Variants in CEP44 observed in about 807,000 individuals in gnomAD.
The protein encoded by CEP44 is centrosomal protein of 44 kDa.
In CEP44, 45 loss-of-function variants were observed where a neutral mutation model predicts 46.7. That is an observed-to-expected ratio of 0.96 (90% CI 0.76 to 1.24). The LOEUF (loss-of-function observed/expected upper bound fraction) is 1.24, where lower values mean the gene tolerates loss of function less well. Ranked by LOEUF, CEP44 falls within the 50% of genes most tolerant of loss-of-function variation. The pLI is 0.00. For missense variants in CEP44, 475 were observed against 459.7 expected (o/e 1.03, Z -0.30); for synonymous variants, 142 against 146.0 (o/e 0.97, Z 0.20).
chr4:174,306,555 C>T (rs1180388297), intron 6 of CEP44, among the ~76,000 whole-genome samples: 1 of 152,006 alleles, frequency 6.6e-6, no homozygotes, highest in Non-Finnish European at 1.5e-5. Context: ...TTTTAAAAGT[C>T]ATAACCCCAA....
At chr4:174,293,138 G>A (rs758090019) in intron 1 of CEP44, among the ~76,000 whole-genome samples, 95 of 152,150 alleles carry the variant, frequency 6.2e-4, no homozygotes, top group Non-Finnish European at 1.3e-3. Context: ...TGCGGTTGTG[G>A]GCCTGTTACT....
In CEP44 at chr4:174,287,408, G is replaced by A. The variant is rs182365491; in HGVS notation, c.-148+3465G>A. 5.9e-5 allele frequency among the ~76,000 whole-genome samples: 9 copies of A among 152,238 alleles called. No homozygotes were observed. The highest frequency in any genetic ancestry group is 1.4e-4 in the African/African-American group (6 of 41,544). ...GGTGGTGACATTTAAGCAGGATGCC[G>A]AGGGGTATTAGCCAGATGGAGAATG... On this transcript the variant is annotated intron_variant, in intron 1 of 11. Coordinates refer to ENST00000503780, the MANE Select transcript of CEP44 (RefSeq NM_001040157.3). The surrounding 1 kb of genome is among the most constrained non-coding windows in gnomAD (Gnocchi z 5.1).
In CEP44 at chr4:174,316,556, G is replaced by A. The variant is rs1741741143; in HGVS notation, c.1113G>A (p.Arg371=). The change falls in exon 11 of 12, where the codon AGG becomes AGA. Residue 371 remains arginine (R), a synonymous_variant. Transcript: ENST00000503780. ...AAACAACAATCCAGAAAATGGAAAGGATGAAAAAAATGTAAGTAACAGAAA... is the reference window on the plus strand; with the variant it reads ...AAACAACAATCCAGAAAATGGAAAGAATGAAAAAAATGTAAGTAACAGAAA... The part of the protein sequence containing the change: ...SEETTIQKME[R]MKKMFEETAE... 2 of 1,587,744 alleles carry A rather than the reference G, an allele frequency of 1.3e-6. No homozygotes were observed. Among genetic ancestry groups the A allele is most frequent in the South Asian group, 1.2e-5 (1 of 86,864 alleles).
At chr4:174,321,611 G>A (rs1027581048), downstream of CEP44, among the ~76,000 whole-genome samples, 1 of 152,004 alleles carries the variant, frequency 6.6e-6, no homozygotes, top group Non-Finnish European at 1.5e-5. Flanking sequence ...GTTGCCCAAA[G>A]TACAACAGGC....
chr4:174,327,125 C>CAT (rs1051511103), intron 8 of CEP44, among the ~76,000 whole-genome samples: 41 of 146,982 alleles, frequency 2.8e-4, no homozygotes, highest in Non-Finnish European at 9.0e-5. Flanking sequence ...TATATATCTA[C>CAT]ATATATATAT....
chr4:174,298,254 C>G (rs9715080), intron 2 of CEP44, among the ~76,000 whole-genome samples, 192 bp downstream of exon 2: 2 of 140,524 alleles, frequency 1.4e-5, no homozygotes, highest in East Asian at 4.2e-4. Flanking sequence ...CGGCTCACTG[C>G]AAGCTCCGCC....
At chr4:174,295,317 G>C (rs1324861899) in intron 1 of CEP44, among the ~76,000 whole-genome samples, 2 of 151,680 alleles carry the variant, frequency 1.3e-5, no homozygotes, top group East Asian at 3.9e-4. Context: ...CGGGGTCGCG[G>C]CCGGGTAGAG....
chr4:174,318,059 T>C lies in CEP44; in HGVS notation c.*676T>C, dbSNP rs1279303101. The C allele has an allele frequency of 1.3e-5, 13 of 985,290 alleles. No homozygotes were observed. The highest frequency in any genetic ancestry group is 1.6e-5 in the Non-Finnish European group (13 of 829,954). 61.0% of individuals were successfully genotyped at this position (985,290 alleles called of 1,614,324 possible). A position where few individuals can be genotyped will look rare whatever the true frequency, so the allele number is the denominator to read the frequency against. On this transcript the variant is annotated 3_prime_UTR_variant, in exon 12 of 12. Coordinates refer to ENST00000503780, the MANE Select transcript of CEP44 (RefSeq NM_001040157.3). Reference sequence around the variant, plus strand: ...GTGTTGAACATTTTAGTATGCTCTATTGTATAATTTTTTTGGAGGGGGGGA... The same window carrying C: ...GTGTTGAACATTTTAGTATGCTCTACTGTATAATTTTTTTGGAGGGGGGGA...
intron 1 of CEP44, among the ~76,000 whole-genome samples, chr4:174,289,017 C>T (rs1443133611): frequency 6.6e-6 from 1 of 152,014 alleles, no homozygotes; most frequent in Non-Finnish European, 1.5e-5. Context: ...GTGCAGATGC[C>T]CATGTGAGTT....
chr4:174,300,214 A>G (rs1220012430), intron 3 of CEP44, among the ~76,000 whole-genome samples: 3 of 152,214 alleles, frequency 2.0e-5, no homozygotes, highest in African/African-American at 4.8e-5. Flanking sequence ...TCTTGAGGTT[A>G]CAGTAGGGAG....
intron 4 of CEP44, among the ~76,000 whole-genome samples, chr4:174,302,839 G>A (rs1739893552): frequency 6.7e-6 from 1 of 148,422 alleles, no homozygotes; most frequent in African/African-American, 2.5e-5. Flanking sequence ...GGAGTGCAGT[G>A]TCACGATCTA....
Position 174,310,859 on chromosome 4 carries a change from G to A in CEP44, c.961+1G>A, listed in dbSNP as rs772049318. ...AGTGACATGGACCTTCTGAATCCTCGTAAGTTTGTAAATACTATGAGAATT... is the reference window on the plus strand; with the variant it reads ...AGTGACATGGACCTTCTGAATCCTCATAAGTTTGTAAATACTATGAGAATT... On this transcript the variant is annotated splice_donor_variant, in intron 9 of 11. Transcript: ENST00000503780. LOFTEE classifies it high-confidence loss of function. This position sits in a 1 kb window ranked among gnomAD's most constrained non-coding sequence, Gnocchi z 4.2. The A allele has an allele frequency of 1.5e-5, 21 of 1,366,326 alleles. No individual in the cohort carries two copies. The highest frequency in any genetic ancestry group is 7.6e-5 in the South Asian group (6 of 78,908). 84.6% of individuals were successfully genotyped at this position (1,366,326 alleles called of 1,614,324 possible). A position where few individuals can be genotyped will look rare whatever the true frequency, so the allele number is the denominator to read the frequency against.
Position 174,318,513 on chromosome 4 carries a change from A to G in CEP44, c.*1130A>G. ...AATTTATTTTTAATATTACTACTAT[A>G]TGAATTATCTTTTTTTAAACTTGTA... On this transcript the variant is annotated 3_prime_UTR_variant, in exon 12 of 12. Coordinates refer to ENST00000503780, the MANE Select transcript of CEP44 (RefSeq NM_001040157.3). 1 of 878,730 alleles carries G rather than the reference A, an allele frequency of 1.1e-6. No individual in the cohort carries two copies. The highest frequency in any genetic ancestry group is 1.4e-6 in the Non-Finnish European group (1 of 733,054). 54.4% of individuals were successfully genotyped at this position (878,730 alleles called of 1,614,324 possible). A position where few individuals can be genotyped will look rare whatever the true frequency, so the allele number is the denominator to read the frequency against.
downstream of CEP44, among the ~76,000 whole-genome samples, chr4:174,322,187 A>C (rs903508170): frequency 6.6e-6 from 1 of 152,174 alleles, no homozygotes; most frequent in Admixed American, 6.6e-5. Flanking sequence ...TAAAGTTTAA[A>C]AGCATTTCAG....
chr4:174,310,848 T>C lies in CEP44; in HGVS notation c.951T>C (p.Leu317=). Residue 317 remains leucine, a synonymous_variant, in exon 9 of 12, where the codon CTT becomes CTC. Transcript: ENST00000503780. The surrounding 1 kb of genome is among the most constrained non-coding windows in gnomAD (Gnocchi z 4.2). ...ACGCTTCTTGTAGTGACATGGACCTTCTGAATCCTCGTAAGTTTGTAAATA... is the reference window on the plus strand; with the variant it reads ...ACGCTTCTTGTAGTGACATGGACCTCCTGAATCCTCGTAAGTTTGTAAATA... ...EDYASCSDMD[L]LNPHRKSEVE... 6.8e-7 allele frequency: 1 copy of C among 1,467,364 alleles called. No individual in the cohort carries two copies. The highest frequency in any genetic ancestry group is 9.4e-7 in the Non-Finnish European group (1 of 1,061,048). The allele number at this position is 1,467,364 out of a possible 1,614,324, so 90.9% of individuals were successfully genotyped here. A position where few individuals can be genotyped will look rare whatever the true frequency, so the allele number is the denominator to read the frequency against.
At chr4:174,285,287 C>T (rs1446792301) in intron 1 of CEP44, 1 of 152,080 alleles carries the variant, frequency 6.6e-6, no homozygotes, top group Non-Finnish European at 1.5e-5. Flanking sequence ...CTTTTAATGT[C>T]TTGTTTTTAA....
downstream of CEP44, among the ~76,000 whole-genome samples, chr4:174,320,684 CTG>C (rs34832692): frequency 2.6e-4 from 38 of 147,444 alleles, no homozygotes; most frequent in South Asian, 2.0e-3. Flanking sequence ...TGAGTGTGCT[CTG>C]TGTGTGTGTG....
At chr4:174,298,280 A>G (rs1739303128) in intron 2 of CEP44, among the ~76,000 whole-genome samples, 1 of 137,570 alleles carries the variant, frequency 7.3e-6, no homozygotes. Flanking sequence ...GGTTCACGCC[A>G]TTCTCCTGCC....
intron 8 of CEP44, among the ~76,000 whole-genome samples, chr4:174,330,288 A>T (rs989391872): frequency 1.3e-5 from 2 of 152,202 alleles, no homozygotes; most frequent in Admixed American, 6.5e-5. Flanking sequence ...CAGGAGTTCA[A>T]GACCAGCCTG....
Sources: gnomAD v4.1 joint callset for allele counts (sites outside exome capture counted in the v4.1 genomes callset) on GRCh38, gnomAD v4.1.1 for gene constraint, Gnocchi (gnomAD v3.1) non-coding constraint, MANE v1.5 for transcripts, NCBI Gene and HGNC (gene_info 2026-07-23, HGNC 2026-07-21) for gene names.